IL1RAPL2: variants seen among roughly 807,000 people sequenced by gnomAD.
IL1RAPL2 encodes X-linked interleukin-1 receptor accessory protein-like 2.
IL1RAPL2 carries 3 observed loss-of-function variants against 44.1 expected under a neutral mutation model. That is an observed-to-expected ratio of 0.07 (90% confidence interval 0.03 to 0.18). The LOEUF is 0.18. Ranked by LOEUF, IL1RAPL2 falls within the 10% of genes least tolerant of loss-of-function variation. The probability of loss-of-function intolerance (pLI) is 1.00; values close to 1 mark genes in which losing one functional copy is unlikely to be tolerated. For synonymous variants in IL1RAPL2, 181 were observed against 178.8 expected (o/e 1.01, Z -0.10); for missense variants, 391 against 496.4 (o/e 0.79, Z 2.02).
At chrX:105,133,035 C>T (rs1433673149) in intron 2 of IL1RAPL2, among the ~76,000 whole-genome samples, 1 of 112,081 alleles carries the variant, frequency 8.9e-6, no homozygotes, top group East Asian at 2.8e-4. Context: ...TCACTGGCAA[C>T]AGTTGAGATT....
chrX:104,948,662 T>C (rs1466996815), intron 2 of IL1RAPL2, among the ~76,000 whole-genome samples: 1 of 111,517 alleles, frequency 9.0e-6, no homozygotes, highest in Non-Finnish European at 1.9e-5. Context: ...CTTTTCTGCA[T>C]CTATTGAGAT....
chrX:104,883,770 C>A lies in IL1RAPL2; in HGVS notation c.82+224775C>A, dbSNP rs73529495. Among the ~76,000 whole-genome samples, 315 of 111,646 alleles carry A rather than the reference C, an allele frequency of 2.8e-3. 2 individuals are homozygous for A. Among genetic ancestry groups the A allele is most frequent in the African/African-American group, 9.7e-3 (299 of 30,714 alleles). On this transcript the variant is annotated intron_variant, in intron 2 of 10. Coordinates refer to ENST00000372582, the MANE Select transcript of IL1RAPL2 (RefSeq NM_017416.2). ...ATAATTTTTACCCAAAGCCCCATCACAGGGGGGACTGCCTGGAATTTTAGG... is the reference window on the plus strand; with the variant it reads ...ATAATTTTTACCCAAAGCCCCATCAAAGGGGGGACTGCCTGGAATTTTAGG...
intron 5 of IL1RAPL2, among the ~76,000 whole-genome samples, chrX:105,440,167 C>G (rs939270377): frequency 1.7e-4 from 19 of 111,851 alleles, no homozygotes; most frequent in African/African-American, 6.2e-4. Flanking sequence ...GTCACTTCAT[C>G]CAATGAAAAA....
chrX:105,013,788 G>A (rs1366857786), intron 2 of IL1RAPL2, among the ~76,000 whole-genome samples: 1 of 111,601 alleles, frequency 9.0e-6, no homozygotes, highest in Non-Finnish European at 1.9e-5. Flanking sequence ...ACTTTTTCAC[G>A]ATGACTCTTT....
chrX:105,441,352 T>A (rs1394182539), intron 5 of IL1RAPL2, among the ~76,000 whole-genome samples: 1 of 111,984 alleles, frequency 8.9e-6, no homozygotes, highest in East Asian at 2.8e-4. Flanking sequence ...TATAAGAGCA[T>A]GCCCATATAC....
intron 5 of IL1RAPL2, among the ~76,000 whole-genome samples, chrX:105,337,549 A>G (rs1027041848): frequency 8.9e-6 from 1 of 112,235 alleles, no homozygotes; most frequent in Non-Finnish European, 1.9e-5. Flanking sequence ...ACTCCAAACC[A>G]TGGGACAAAT....
intron 5 of IL1RAPL2, 77 bp from the exon 6 acceptor site, chrX:105,484,236 A>T (rs1485854493): frequency 6.7e-6 from 5 of 749,015 alleles, no homozygotes; most frequent in Non-Finnish European, 8.4e-6. Flanking sequence ...AACATTAAAT[A>T]TCATACATGA....
At chrX:104,893,914 G>A (rs897101085) in intron 2 of IL1RAPL2, among the ~76,000 whole-genome samples, 1 of 111,992 alleles carries the variant, frequency 8.9e-6, no homozygotes, top group Non-Finnish European at 1.9e-5. Context: ...TGTTTTTGCA[G>A]TGGCTGGTAC....
At chrX:105,110,165 G>C (rs1474052206) in intron 2 of IL1RAPL2, among the ~76,000 whole-genome samples, 2 of 112,130 alleles carry the variant, frequency 1.8e-5, no homozygotes, top group African/African-American at 6.5e-5. Context: ...GCTTCCTTAA[G>C]AGTTTTTCCA....
intron 6 of IL1RAPL2, among the ~76,000 whole-genome samples, chrX:105,585,465 C>A (rs2037120464): frequency 9.0e-6 from 1 of 110,519 alleles, no homozygotes; most frequent in Non-Finnish European, 1.9e-5. Flanking sequence ...CAACCCATCA[C>A]CTAAGTATTA....
intron 2 of IL1RAPL2, among the ~76,000 whole-genome samples, chrX:105,002,489 G>A (rs2030868427): frequency 9.0e-6 from 1 of 110,996 alleles, no homozygotes; most frequent in South Asian, 3.8e-4. Context: ...CCTTGATTTG[G>A]GGAATGAAGT....
chrX:104,790,732 A>G (rs1175494223), intron 2 of IL1RAPL2, among the ~76,000 whole-genome samples: 1 of 111,966 alleles, frequency 8.9e-6, no homozygotes, highest in Non-Finnish European at 1.9e-5. Flanking sequence ...CAGAGATAAC[A>G]TCTGTTAACA....
chrX:105,151,116 C>T (rs2033223097), intron 2 of IL1RAPL2, among the ~76,000 whole-genome samples: 1 of 111,924 alleles, frequency 8.9e-6, no homozygotes, highest in Non-Finnish European at 1.9e-5. Flanking sequence ...GCTGGGAAAT[C>T]TCATCGTGTC....
intron 5 of IL1RAPL2, among the ~76,000 whole-genome samples, chrX:105,307,490 TTATATTATA>T (rs1165658035): frequency 3.3e-5 from 2 of 60,959 alleles, no homozygotes; most frequent in Non-Finnish European, 5.3e-5. Context: ...TATATATATT[TTATATTATA>T]TATATTATAT....
chrX:105,420,325 C>T (rs944105458), intron 5 of IL1RAPL2, among the ~76,000 whole-genome samples: 5 of 111,978 alleles, frequency 4.5e-5, no homozygotes, highest in Non-Finnish European at 9.4e-5. Context: ...TTACTCAATG[C>T]GGAATCCTCT....
chrX:105,373,431 A>G (rs1197374296), intron 5 of IL1RAPL2, among the ~76,000 whole-genome samples: 4 of 111,467 alleles, frequency 3.6e-5, no homozygotes, highest in African/African-American at 1.3e-4. Context: ...TTTCTTTGAT[A>G]CACAGTTTGC....
At chrX:105,412,580 G>A (rs1424598503) in intron 5 of IL1RAPL2, among the ~76,000 whole-genome samples, 1 of 110,792 alleles carries the variant, frequency 9.0e-6, no homozygotes, top group Admixed American at 9.7e-5. Context: ...AAGGAAGGAT[G>A]TGGCGAAGTT....
chrX:104,798,590 C>T (rs185321432), intron 2 of IL1RAPL2, among the ~76,000 whole-genome samples: 276 of 111,127 alleles, frequency 2.5e-3, no homozygotes, highest in African/African-American at 7.8e-3. Context: ...GGTGTGAACC[C>T]GGGAGGCGGA....
At chrX:104,872,069 A>G (rs962669378) in intron 2 of IL1RAPL2, among the ~76,000 whole-genome samples, 24 of 111,921 alleles carry the variant, frequency 2.1e-4, no homozygotes, top group African/African-American at 7.1e-4. Context: ...CAGAAGGGAA[A>G]TATTATACCA....
Sources: allele counts gnomAD v4.1 joint callset (sites outside exome capture counted in the v4.1 genomes callset), GRCh38; gene constraint gnomAD v4.1.1; transcripts MANE v1.5; gene names NCBI Gene and HGNC (gene_info 2026-07-23, HGNC 2026-07-21).